Variants in RABEP1 observed in about 807,000 individuals in gnomAD.
The protein encoded by RABEP1 is rabaptin, RAB GTPase binding effector protein 1, also known as rab GTPase-binding effector protein 1.
In RABEP1, 51 loss-of-function variants were observed where a neutral mutation model predicts 123.4. The observed-to-expected ratio is 0.41, with a 90% CI of 0.33 to 0.52. The LOEUF (loss-of-function observed/expected upper bound fraction) is 0.52, where lower values mean the gene tolerates loss of function less well. Among genes scored for constraint, RABEP1 ranks in the 20% least tolerant of loss-of-function variants. The pLI is 0.16. For missense variants in RABEP1, 888 were observed against 996.3 expected (o/e 0.89, Z 1.46); for synonymous variants, 347 against 355.2 (o/e 0.98, Z 0.26).
At position 5,337,586 on chromosome 17, in the gene RABEP1, G is replaced by A. The variant is rs547443191; in HGVS notation, c.529-433G>A. On this transcript the variant is annotated intron_variant, in intron 4 of 17. Coordinates refer to ENST00000537505, the MANE Select transcript of RABEP1 (RefSeq NM_004703.6). ...CAGGCGCCTGTAGTCCCAGTTACTC[G>A]GGAGGCTGAGGCAGGAGAATGGTGT... Among the ~76,000 whole-genome samples the A allele has an allele frequency of 7.2e-5, 11 of 152,216 alleles. No individual in the cohort carries two copies. The South Asian group carries it at 1.0e-3, about 14-fold the overall frequency.
intron 5 of RABEP1, among the ~76,000 whole-genome samples, chr17:5,345,059 C>T (rs62075133): frequency 0.057 from 8,709 of 152,252 alleles, 344 homozygotes; most frequent in Middle Eastern, 0.13. Context: ...AAAAGATAGT[C>T]AACATTCAAC....
intron 7 of RABEP1, 99 bp downstream of exon 7, chr17:5,350,728 C>T: frequency 3.1e-6 from 4 of 1,308,618 alleles, no homozygotes; most frequent in Non-Finnish European, 4.2e-6. Flanking sequence ...ACTTAAGCTG[C>T]AACAAGGTGA....
chr17:5,371,121 C>G (rs1910498130), intron 12 of RABEP1: 1 of 152,250 alleles, frequency 6.6e-6, no homozygotes, highest in South Asian at 2.1e-4. Context: ...CGCCCGCCAC[C>G]ACGCCTGGAG....
chr17:5,350,457 A>T lies in RABEP1; in HGVS notation c.791A>T (p.His264Leu). 2 of 1,609,352 alleles carry T rather than the reference A, an allele frequency of 1.2e-6. No homozygotes were observed. Among genetic ancestry groups the T allele is most frequent in the Non-Finnish European group, 1.7e-6 (2 of 1,178,540 alleles). Residue 264 changes from histidine (H) to leucine (L), a missense_variant, in exon 7 of 18, where the codon CAT becomes CTT. Transcript: ENST00000537505. ...KLRKELHEVC[H>L]LLEQERQQHN... ...TGGGGGGGTTCCTAAACAGTTTGCC[A>T]TCTCTTGGAGCAAGAGCGACAACAA...
Position 5,383,399 on chromosome 17 carries a change from G to A in RABEP1, c.*176G>A. The A allele has an allele frequency of 6.8e-6, 4 of 587,290 alleles. No individual in the cohort carries two copies. Among genetic ancestry groups the A allele is most frequent in the Non-Finnish European group, 1.2e-5 (4 of 331,626 alleles). The allele number at this position is 587,290 out of a possible 1,614,324, so 36.4% of individuals were successfully genotyped here. A position where few individuals can be genotyped will look rare whatever the true frequency, so the allele number is the denominator to read the frequency against. ...GCGGCACAGGAAACAGCAAACAGTG[G>A]GGTGATCTGCAGCCCAGAGACCTTC... On this transcript the variant is annotated 3_prime_UTR_variant, in exon 18 of 18. Coordinates refer to ENST00000537505, the MANE Select transcript of RABEP1 (RefSeq NM_004703.6).
intron 6 of RABEP1, among the ~76,000 whole-genome samples, chr17:5,349,829 A>G (rs575029968): frequency 6.6e-6 from 1 of 152,330 alleles, no homozygotes; most frequent in South Asian, 2.1e-4. Context: ...CAGTAAAGAA[A>G]TCTTTAAAAA....
intron 14 of RABEP1, among the ~76,000 whole-genome samples, chr17:5,377,727 A>G (rs1224368847): frequency 1.3e-5 from 2 of 151,944 alleles, no homozygotes; most frequent in Non-Finnish European, 2.9e-5. Context: ...GGGTTTCTCC[A>G]TGTTGGTCAA....
chr17:5,349,204 C>T (rs1423413953), intron 6 of RABEP1, among the ~76,000 whole-genome samples: 3 of 152,040 alleles, frequency 2.0e-5, no homozygotes, highest in Non-Finnish European at 2.9e-5. Context: ...ATTAGTTTTG[C>T]GTTTTAGAAA....
At chr17:5,320,500 C>T (rs536223811) in intron 2 of RABEP1, among the ~76,000 whole-genome samples, 2 of 146,442 alleles carry the variant, frequency 1.4e-5, no homozygotes, top group Non-Finnish European at 1.5e-5. Flanking sequence ...ACTCTTAATA[C>T]TGCAGTTGAT....
At chr17:5,290,377 C>G (rs561093044) in intron 1 of RABEP1, among the ~76,000 whole-genome samples, 13 of 152,260 alleles carry the variant, frequency 8.5e-5, no homozygotes, top group African/African-American at 3.1e-4. Context: ...CGTGAGCCAC[C>G]GCGCCCGTCC....
chr17:5,347,361 G>GCT (rs1908147680), intron 6 of RABEP1, among the ~76,000 whole-genome samples: 1 of 152,148 alleles, frequency 6.6e-6, no homozygotes, highest in African/African-American at 2.4e-5. Context: ...GGTGAGCCAA[G>GCT]CTCACACCAC....
In RABEP1 at chr17:5,354,497, T is replaced by G. The variant is rs78438561; in HGVS notation, c.1095+7T>G. The G allele has an allele frequency of 0.026, 41,316 of 1,599,224 alleles. 695 individuals carry two copies. Among genetic ancestry groups the G allele is most frequent in the Middle Eastern group, 0.056 (320 of 5,680 alleles). Reference sequence around the variant, plus strand: ...CCAGTTATCAAATGAAGAGGTATAGTGAGTCTATAATTAAAGTCATTAAAT... The same window carrying G: ...CCAGTTATCAAATGAAGAGGTATAGGGAGTCTATAATTAAAGTCATTAAAT... On this transcript the variant is annotated splice_region_variant and intron_variant, in intron 8 of 17. Transcript: ENST00000537505.
intron 10 of RABEP1, 129 bp downstream of exon 10, chr17:5,363,145 A>G: frequency 1.5e-6 from 1 of 684,236 alleles, no homozygotes; most frequent in South Asian, 1.8e-5. Context: ...AAGTTATGAA[A>G]TAACCTGGTA....
intron 2 of RABEP1, among the ~76,000 whole-genome samples, chr17:5,328,143 G>A (rs992170071): frequency 6.6e-6 from 1 of 152,164 alleles, no homozygotes; most frequent in African/African-American, 2.4e-5. Context: ...TAACATATAC[G>A]CACTGTAATG....
At chr17:5,341,963 A>G (rs1023491232) in intron 5 of RABEP1, among the ~76,000 whole-genome samples, 6 of 152,254 alleles carry the variant, frequency 3.9e-5, no homozygotes, top group Non-Finnish European at 8.8e-5. Flanking sequence ...TGGTGGGAAC[A>G]TTCTGGGGCA....
In RABEP1 at chr17:5,385,824, TCTC is replaced by T. The variant is rs1042913945; in HGVS notation, c.*2604_*2606del. Reference sequence around the variant, plus strand: ...TGCTGCCAAGTACACTGTGTGGTCTTCTCCTTTGAATCCTAGGGTTCTATCCCT... The same window carrying T: ...TGCTGCCAAGTACACTGTGTGGTCTTCTTTGAATCCTAGGGTTCTATCCCT... On this transcript the variant is annotated 3_prime_UTR_variant, in exon 18 of 18. Transcript: ENST00000537505. The T allele has an allele frequency of 2.0e-5, 5 of 250,186 alleles. No homozygotes were observed. Among genetic ancestry groups the T allele is most frequent in the South Asian group, 1.7e-4 (1 of 5,884 alleles). The allele number at this position is 250,186 out of a possible 1,614,324, so 15.5% of individuals were successfully genotyped here.
At chr17:5,373,135 G>C (rs1471627581) in intron 12 of RABEP1, among the ~76,000 whole-genome samples, 179 bp from the exon 13 acceptor site, 1 of 152,118 alleles carries the variant, frequency 6.6e-6, no homozygotes, top group African/African-American at 2.4e-5. Context: ...CCTGTCCCTT[G>C]TTGAATATAT....
At chr17:5,354,692 C>T (rs1567540432) in intron 8 of RABEP1, among the ~76,000 whole-genome samples, 1 of 152,154 alleles carries the variant, frequency 6.6e-6, no homozygotes, top group African/African-American at 2.4e-5. Flanking sequence ...CAGCTTCATT[C>T]GCTGTCTGAA....
intron 2 of RABEP1, among the ~76,000 whole-genome samples, chr17:5,320,312 A>G (rs1247561211): frequency 6.6e-6 from 1 of 151,872 alleles, no homozygotes; most frequent in African/African-American, 2.4e-5. Context: ...AAGGAGAGAT[A>G]CATTCTTTCC....
Sources: allele counts gnomAD v4.1 joint callset (sites outside exome capture counted in the v4.1 genomes callset), GRCh38; gene constraint gnomAD v4.1.1; transcripts MANE v1.5; gene names NCBI Gene and HGNC (gene_info 2026-07-23, HGNC 2026-07-21).